The following CCSER2 variants were observed in gnomAD, a reference collection of about 807,000 sequenced individuals.
CCSER2 encodes the protein coiled-coil serine rich protein 2, also known as serine-rich coiled-coil domain-containing protein 2.
CCSER2 carries 46 observed loss-of-function variants against 92.3 expected under a neutral mutation model. That is an observed-to-expected ratio of 0.50 (90% confidence interval 0.39 to 0.64). CCSER2 has a LOEUF of 0.64. Ranked by LOEUF, CCSER2 falls within the 30% of genes least tolerant of loss-of-function variation. The pLI is 0.00. For synonymous variants in CCSER2, 433 were observed against 431.4 expected (o/e 1.00, Z -0.04); for missense variants, 1,244 against 1,238.9 (o/e 1.00, Z -0.06).
At chr10:84,391,290 A>G in intron 3 of CCSER2, 1 of 1,468,028 alleles carries the variant, frequency 6.8e-7, no homozygotes, top group Non-Finnish European at 9.5e-7. Flanking sequence ...CCAGATAAAG[A>G]TTTTATGTTA....
chr10:84,445,921 G>A (rs776408826), intron 6 of CCSER2, among the ~76,000 whole-genome samples: 1 of 152,062 alleles, frequency 6.6e-6, no homozygotes, highest in Non-Finnish European at 1.5e-5. Flanking sequence ...TCTAGTATGT[G>A]TCTTTTGGTG....
At chr10:84,440,445 A>G (rs188001808) in intron 6 of CCSER2, among the ~76,000 whole-genome samples, 3 of 152,186 alleles carry the variant, frequency 2.0e-5, no homozygotes, top group Admixed American at 6.5e-5. Context: ...AAAAAAAACA[A>G]TGTGATACGT....
At chr10:84,349,618 G>T (rs1038913194) in intron 1 of CCSER2, among the ~76,000 whole-genome samples, 1 of 152,150 alleles carries the variant, frequency 6.6e-6, no homozygotes, top group Non-Finnish European at 1.5e-5. Flanking sequence ...GGAAGTCGAG[G>T]CTGCAGCGAA....
intron 3 of CCSER2, among the ~76,000 whole-genome samples, chr10:84,392,316 C>CAAAAAAAA (rs71473611): frequency 3.3e-4 from 18 of 53,822 alleles, no homozygotes; most frequent in Middle Eastern, 0.013. Context: ...TCTGAAGAAG[C>CAAAAAAAA]AAAAAAAAAA....
chr10:84,418,010 T>G (rs1335963571), intron 4 of CCSER2, 149 bp downstream of exon 4: 1 of 497,982 alleles, frequency 2.0e-6, no homozygotes, highest in African/African-American at 1.9e-5. Context: ...ATAGGTTCAT[T>G]TGCAAACTAA....
At chr10:84,347,394 GCCGGGGAGGGGGGGTGCTGA>G (rs1415154058) in intron 1 of CCSER2, among the ~76,000 whole-genome samples, 1 of 150,724 alleles carries the variant, frequency 6.6e-6, no homozygotes, top group Non-Finnish European at 1.5e-5. Context: ...GGGGCGGCTG[GCCGGGGAGGGGGGGTGCTGA>G]CCCCCCACCT....
At chr10:84,469,054 A>T (rs1846624110) in intron 7 of CCSER2, among the ~76,000 whole-genome samples, 1 of 152,202 alleles carries the variant, frequency 6.6e-6, no homozygotes, top group Non-Finnish European at 1.5e-5. Flanking sequence ...GGCCTTAAAA[A>T]TGATCTTAAA....
chr10:84,394,657 A>G (rs981009278), intron 3 of CCSER2, among the ~76,000 whole-genome samples: 3 of 152,076 alleles, frequency 2.0e-5, no homozygotes, highest in African/African-American at 4.8e-5. Flanking sequence ...GGGAAATAAG[A>G]TGGTGGAAAG....
At chr10:84,452,295 G>A (rs1040770133) in intron 6 of CCSER2, 14 of 152,160 alleles carry the variant, frequency 9.2e-5, no homozygotes, top group African/African-American at 3.4e-4. Context: ...ACTCATGGAA[G>A]AATCACCTGG....
Position 84,438,624 on chromosome 10 carries a change from G to A in CCSER2, c.1981G>A (p.Asp661Asn). The change falls in exon 6 of 10, where the codon GAT becomes AAT. Residue 661 changes from aspartate to asparagine, a missense_variant. Physicochemically the swap from Asp to Asn is conservative, Grantham distance 23. Transcript: ENST00000372088. ...TGTACCAGAAAATACAGTGATACTG[G>A]ATGAGATGACCCTTCGGCACATGGT... ...VDVPENTVIL[D>N]EMTLRHMVQD... 3 of 1,613,258 alleles carry A rather than the reference G, an allele frequency of 1.9e-6. No homozygotes were observed. Among genetic ancestry groups the A allele is most frequent in the African/African-American group, 1.3e-5 (1 of 75,008 alleles).
chr10:84,493,001 C>T (rs1007784472), intron 9 of CCSER2, among the ~76,000 whole-genome samples: 36 of 152,200 alleles, frequency 2.4e-4, no homozygotes, highest in African/African-American at 7.9e-4. Flanking sequence ...GTTTTCTTCT[C>T]GTCTGCTTTA....
intron 9 of CCSER2, among the ~76,000 whole-genome samples, chr10:84,502,529 G>A (rs1238475725): frequency 1.3e-5 from 2 of 151,884 alleles, no homozygotes; most frequent in Non-Finnish European, 1.5e-5. Flanking sequence ...CTGCCACTAC[G>A]CCCATCTAAT....
intron 9 of CCSER2, among the ~76,000 whole-genome samples, chr10:84,490,555 G>A (rs1175095054): frequency 3.3e-5 from 5 of 151,968 alleles, no homozygotes; most frequent in African/African-American, 7.3e-5. Context: ...TTGTGCATTC[G>A]TCACGTAGTT....
rs906144293 is a variant in CCSER2, at chr10:84,514,786, A to G, written c.*519A>G. 1 of 153,124 alleles carries G rather than the reference A, an allele frequency of 6.5e-6. No homozygotes were observed. The highest frequency in any genetic ancestry group is 2.4e-5 in the African/African-American group (1 of 41,476). The allele number at this position is 153,124 out of a possible 1,614,324, so 9.5% of individuals were successfully genotyped here. On this transcript the variant is annotated 3_prime_UTR_variant, in exon 10 of 10. Coordinates refer to ENST00000372088, the MANE Select transcript of CCSER2 (RefSeq NM_001284240.2). ...GGTCTATGCAAAAGCTTTGTGATGAATAAAGGAGATTAGGCTTTTAATGGA... is the reference window on the plus strand; with the variant it reads ...GGTCTATGCAAAAGCTTTGTGATGAGTAAAGGAGATTAGGCTTTTAATGGA...
intron 3 of CCSER2, among the ~76,000 whole-genome samples, chr10:84,396,318 A>T (rs992739466): frequency 3.3e-5 from 5 of 150,764 alleles, no homozygotes; most frequent in Admixed American, 2.0e-4. Context: ...TATTATATAC[A>T]CACAGTTTCA....
At chr10:84,336,102 T>C (rs1459319512) in intron 1 of CCSER2, among the ~76,000 whole-genome samples, 2 of 152,210 alleles carry the variant, frequency 1.3e-5, no homozygotes, top group Non-Finnish European at 2.9e-5. Flanking sequence ...TATTTATTAT[T>C]GGTACTAGCT....
chr10:84,466,508 GTT>G (rs573093442), intron 7 of CCSER2, among the ~76,000 whole-genome samples: 96 of 138,776 alleles, frequency 6.9e-4, no homozygotes, highest in Non-Finnish European at 1.4e-3. Flanking sequence ...TGTTTTTTTG[GTT>G]TTTTTTTTTT....
chr10:84,486,918 G>A (rs560627151), intron 9 of CCSER2, among the ~76,000 whole-genome samples: 2 of 152,120 alleles, frequency 1.3e-5, no homozygotes, highest in Non-Finnish European at 2.9e-5. Flanking sequence ...ATTAATTTTT[G>A]TATAAGGTAT....
intron 3 of CCSER2, among the ~76,000 whole-genome samples, chr10:84,388,900 C>A (rs1841368516): frequency 6.6e-6 from 1 of 152,176 alleles, no homozygotes; most frequent in African/African-American, 2.4e-5. Flanking sequence ...TCTTGCTGTG[C>A]AGCTCAGTTC....
Sources: gnomAD v4.1 joint callset for allele counts (sites outside exome capture counted in the v4.1 genomes callset) on GRCh38, gnomAD v4.1.1 for gene constraint, MANE v1.5 for transcripts, NCBI Gene and HGNC (gene_info 2026-07-23, HGNC 2026-07-21) for gene names.